Variants in PCDH9 observed in about 807,000 individuals in gnomAD.
PCDH9 encodes protocadherin-9.
PCDH9 carries 24 observed loss-of-function variants against 70.6 expected under a neutral mutation model. The observed-to-expected ratio is 0.34, with a 90% CI of 0.25 to 0.48. The LOEUF is 0.48. Ranked by LOEUF, PCDH9 falls within the 20% of genes least tolerant of loss-of-function variation. The probability of loss-of-function intolerance (pLI) is 0.99; values close to 1 mark genes in which losing one functional copy is unlikely to be tolerated. For synonymous variants in PCDH9, 562 were observed against 558.5 expected (o/e 1.01, Z -0.09); for missense variants, 1,281 against 1,503.6 (o/e 0.85, Z 2.45).
At chr13:66,358,178 G>A (rs1956415561) in intron 4 of PCDH9, among the ~76,000 whole-genome samples, 5 of 151,816 alleles carry the variant, frequency 3.3e-5, no homozygotes, top group South Asian at 4.2e-4. Flanking sequence ...AAAACAATAT[G>A]CAGTAAATTA....
intron 2 of PCDH9, among the ~76,000 whole-genome samples, chr13:67,104,552 AT>A (rs879501757): frequency 9.9e-4 from 145 of 146,174 alleles, no homozygotes; most frequent in East Asian, 1.8e-3. Context: ...TTGTTATACA[AT>A]TTTTTTTTTT....
intron 4 of PCDH9, among the ~76,000 whole-genome samples, chr13:66,501,441 G>A (rs1387335191): frequency 1.3e-5 from 2 of 152,046 alleles, no homozygotes; most frequent in East Asian, 3.9e-4. Flanking sequence ...TAAACAGCAT[G>A]GGAGAAAGAA....
chr13:66,774,279 G>A (rs1041704013), intron 3 of PCDH9, among the ~76,000 whole-genome samples: 4 of 152,092 alleles, frequency 2.6e-5, no homozygotes, highest in African/African-American at 9.7e-5. Flanking sequence ...TCTTCACCTG[G>A]TGGAATAAAA....
At chr13:66,394,886 A>G (rs1295124585) in intron 4 of PCDH9, among the ~76,000 whole-genome samples, 1 of 152,174 alleles carries the variant, frequency 6.6e-6, no homozygotes, top group African/African-American at 2.4e-5. Context: ...TGAAGAGAAT[A>G]TTCTATACTG....
At chr13:67,146,124 A>G (rs2087517622) in intron 2 of PCDH9, among the ~76,000 whole-genome samples, 1 of 152,098 alleles carries the variant, frequency 6.6e-6, no homozygotes, top group South Asian at 2.1e-4. Flanking sequence ...ATTTCAGTCA[A>G]CATAAAATGA....
chr13:66,551,642 C>T (rs1961494433), intron 4 of PCDH9, among the ~76,000 whole-genome samples: 1 of 152,024 alleles, frequency 6.6e-6, no homozygotes, highest in African/African-American at 2.4e-5. Context: ...AAGTCTGAAG[C>T]AGAAACAAAC....
chr13:67,061,909 G>C (rs1390783461), intron 2 of PCDH9, among the ~76,000 whole-genome samples: 1 of 152,136 alleles, frequency 6.6e-6, no homozygotes, highest in Non-Finnish European at 1.5e-5. Context: ...ATCAATTCCT[G>C]CCAAGGAGTG....
At chr13:66,956,616 T>C (rs914932865) in intron 2 of PCDH9, among the ~76,000 whole-genome samples, 1 of 152,092 alleles carries the variant, frequency 6.6e-6, no homozygotes, top group Non-Finnish European at 1.5e-5. Flanking sequence ...CCGACCGTGG[T>C]GGCACACAGC....
chr13:66,849,517 T>TATATATAGAGAGAGAGAGAGAGAGAGAG (rs1272589939), intron 3 of PCDH9, among the ~76,000 whole-genome samples: 5 of 63,582 alleles, frequency 7.9e-5, no homozygotes, highest in African/African-American at 4.1e-4. Flanking sequence ...TATATATATA[T>TATATATAGAGAGAGAGAGAGAGAGAGAG]AGAGAGAGAG....
chr13:66,411,648 T>C (rs908834266), intron 4 of PCDH9, among the ~76,000 whole-genome samples: 2 of 120,396 alleles, frequency 1.7e-5, no homozygotes, highest in Non-Finnish European at 3.5e-5. Flanking sequence ...AGATGATGGA[T>C]AGATAGATAG....
intron 2 of PCDH9, chr13:67,213,264 C>T (rs527323398): frequency 2.6e-5 from 2 of 76,594 alleles, no homozygotes; most frequent in South Asian, 4.2e-4. Flanking sequence ...ATAGAGGAAA[C>T]GACTGATATG....
chr13:66,711,095 T>A (rs1313150265), intron 3 of PCDH9, among the ~76,000 whole-genome samples: 1 of 152,130 alleles, frequency 6.6e-6, no homozygotes, highest in East Asian at 1.9e-4. Flanking sequence ...AACAAAATAA[T>A]AGAGTATTAT....
intron 2 of PCDH9, among the ~76,000 whole-genome samples, chr13:67,164,841 C>CT (rs2088065701): frequency 6.6e-6 from 1 of 152,148 alleles, no homozygotes; most frequent in Non-Finnish European, 1.5e-5. Context: ...ACAGGAACTT[C>CT]TGCATCCCTC....
intron 4 of PCDH9, among the ~76,000 whole-genome samples, chr13:66,623,281 T>C (rs958612199): frequency 6.6e-6 from 1 of 152,232 alleles, no homozygotes; most frequent in Non-Finnish European, 1.5e-5. Flanking sequence ...TGTCCTATAA[T>C]TAAAAATGCA....
At chr13:66,334,731 C>G (rs1301000022) in intron 4 of PCDH9, among the ~76,000 whole-genome samples, 1 of 151,900 alleles carries the variant, frequency 6.6e-6, no homozygotes, top group African/African-American at 2.4e-5. Context: ...ACTTACTTTT[C>G]ATGCTTATTG....
intron 4 of PCDH9, among the ~76,000 whole-genome samples, chr13:66,350,029 C>T (rs1232745415): frequency 6.6e-6 from 1 of 152,164 alleles, no homozygotes; most frequent in Admixed American, 6.5e-5. Flanking sequence ...GGTCACGTCA[C>T]ATTCCACATG....
At chr13:66,408,138 A>C (rs1957312202) in intron 4 of PCDH9, among the ~76,000 whole-genome samples, 1 of 148,296 alleles carries the variant, frequency 6.7e-6, no homozygotes, top group African/African-American at 2.5e-5. Flanking sequence ...GGCTCACTGC[A>C]AGCTCCGCTT....
intron 3 of PCDH9, among the ~76,000 whole-genome samples, chr13:66,669,778 C>A (rs1420173646): frequency 6.6e-6 from 1 of 152,156 alleles, no homozygotes; most frequent in Non-Finnish European, 1.5e-5. Flanking sequence ...CATTCTCTTT[C>A]ATTCCACGGT....
chr13:66,503,703 A>G (rs977201131), intron 4 of PCDH9, among the ~76,000 whole-genome samples: 28 of 152,188 alleles, frequency 1.8e-4, no homozygotes, highest in African/African-American at 6.3e-4. Flanking sequence ...TATAAGTGAA[A>G]GCGCTTTGCA....
Sources: allele counts gnomAD v4.1 joint callset (sites outside exome capture counted in the v4.1 genomes callset), GRCh38; gene constraint gnomAD v4.1.1; transcripts MANE v1.5; gene names NCBI Gene and HGNC (gene_info 2026-07-23, HGNC 2026-07-21).